Variants in XYLT1 observed in about 807,000 individuals in gnomAD.
XYLT1 encodes xylosyltransferase 1.
XYLT1 carries 36 observed loss-of-function variants against 91.3 expected under a neutral mutation model. The ratio of observed to expected loss-of-function variants is 0.39; its 90% confidence interval spans 0.30 to 0.52. The LOEUF is 0.52. Ranked by LOEUF, XYLT1 falls within the 20% of genes least tolerant of loss-of-function variation. XYLT1 has a pLI of 0.68. For synonymous variants in XYLT1, 588 were observed against 532.0 expected, an observed-to-expected ratio of 1.11 and a Z score of -1.45; for missense variants, 1,242 against 1,284.5, an observed-to-expected ratio of 0.97 and a Z score of 0.51.
intron 5 of XYLT1, among the ~76,000 whole-genome samples, chr16:17,174,158 A>C (rs2031888214): frequency 6.6e-6 from 1 of 152,210 alleles, no homozygotes; most frequent in Non-Finnish European, 1.5e-5. Context: ...AATAAAACAC[A>C]AAAGAAAGAT....
intron 2 of XYLT1, among the ~76,000 whole-genome samples, chr16:17,329,133 CAT>C (rs1239284870): frequency 6.6e-5 from 10 of 152,224 alleles, no homozygotes; most frequent in African/African-American, 2.2e-4. Flanking sequence ...TCAAAACAGA[CAT>C]AGACGAGTAC....
At chr16:17,335,332 G>C (rs2034964127) in intron 2 of XYLT1, among the ~76,000 whole-genome samples, 1 of 152,034 alleles carries the variant, frequency 6.6e-6, no homozygotes, top group South Asian at 2.1e-4. Context: ...ACCGAGATCA[G>C]AAAAATGAAT....
chr16:17,423,439 C>T (rs2036273779), intron 1 of XYLT1, among the ~76,000 whole-genome samples: 1 of 152,118 alleles, frequency 6.6e-6, no homozygotes, highest in African/African-American at 2.4e-5. Flanking sequence ...CTCAAGGGCA[C>T]TTCCTTGAGG....
At chr16:17,194,521 C>A (rs2032386367) in intron 5 of XYLT1, among the ~76,000 whole-genome samples, 1 of 152,206 alleles carries the variant, frequency 6.6e-6, no homozygotes, top group Non-Finnish European at 1.5e-5. Context: ...TTGAGCACAG[C>A]CCCTAAGACT....
chr16:17,426,152 G>A (rs2036315824), intron 1 of XYLT1, among the ~76,000 whole-genome samples: 1 of 152,190 alleles, frequency 6.6e-6, no homozygotes, highest in Non-Finnish European at 1.5e-5. Context: ...AAGAAGAAAG[G>A]ACAGATTCCT....
At chr16:17,384,322 G>A (rs772840220) in intron 1 of XYLT1, among the ~76,000 whole-genome samples, 5 of 151,624 alleles carry the variant, frequency 3.3e-5, no homozygotes, top group Non-Finnish European at 5.9e-5. Context: ...GTCCCACCAA[G>A]TTCTGAGAGA....
At chr16:17,306,990 A>G (rs1483156831) in intron 2 of XYLT1, among the ~76,000 whole-genome samples, 1 of 151,960 alleles carries the variant, frequency 6.6e-6, no homozygotes, top group Admixed American at 6.6e-5. Context: ...AGGTGCACGT[A>G]CTGGCGGTTA....
At chr16:17,280,918 C>A (rs533965141) in intron 2 of XYLT1, among the ~76,000 whole-genome samples, 4 of 152,178 alleles carry the variant, frequency 2.6e-5, no homozygotes, top group African/African-American at 9.7e-5. Flanking sequence ...TTCACCAATT[C>A]TCAGCCTTGC....
At chr16:17,231,370 G>C (rs1381920056) in intron 3 of XYLT1, among the ~76,000 whole-genome samples, 3 of 152,162 alleles carry the variant, frequency 2.0e-5, no homozygotes, top group Admixed American at 6.5e-5. Context: ...CAGGCAGTGG[G>C]GGGCAGTGGG....
intron 8 of XYLT1, 43 bp from the exon 9 acceptor site, chr16:17,134,778 T>G (rs1362118606): frequency 1.2e-6 from 2 of 1,604,438 alleles, no homozygotes; most frequent in African/African-American, 1.3e-5. Flanking sequence ...CATCAGCGAG[T>G]GCTGGGGGTT....
intron 10 of XYLT1, among the ~76,000 whole-genome samples, chr16:17,122,331 A>AT (rs2030092244): frequency 6.6e-6 from 1 of 151,954 alleles, no homozygotes. Flanking sequence ...TTTGATTTGC[A>AT]TTTTCCTGAT....
intron 8 of XYLT1, among the ~76,000 whole-genome samples, chr16:17,136,983 G>T (rs1242253561): frequency 6.6e-6 from 1 of 152,024 alleles, no homozygotes; most frequent in Non-Finnish European, 1.5e-5. Flanking sequence ...CTCCAAACAT[G>T]GGAATTCATT....
rs1323402282 is a variant in XYLT1 at position 17,154,446 on chromosome 16, A to AC, written c.1370+4382dup. Among the ~76,000 whole-genome samples, 9 of 152,320 alleles carry AC rather than the reference A, an allele frequency of 5.9e-5. No individual in the cohort carries two copies. In the East Asian group the frequency reaches 1.7e-3, roughly 29 times the overall value. On this transcript the variant is annotated intron_variant, in intron 6 of 11. Coordinates refer to ENST00000261381, the MANE Select transcript of XYLT1 (RefSeq NM_022166.4). Reference sequence around the variant, plus strand: ...CTCCCTGGAAGAGGCCTGTCCCCACACACTGAGACTTGAACAGGTTTCAGA... The same window carrying AC: ...CTCCCTGGAAGAGGCCTGTCCCCACACCACTGAGACTTGAACAGGTTTCAGA...
chr16:17,209,115 T>C (rs576987520), intron 3 of XYLT1, among the ~76,000 whole-genome samples: 4 of 152,364 alleles, frequency 2.6e-5, no homozygotes, highest in African/African-American at 9.6e-5. Flanking sequence ...CAGAACTCTT[T>C]TCATCTTGCA....
chr16:17,441,932 G>A (rs1243945331), intron 1 of XYLT1, among the ~76,000 whole-genome samples: 1 of 152,100 alleles, frequency 6.6e-6, no homozygotes, highest in East Asian at 1.9e-4. Context: ...AACTTGATGT[G>A]GCCACAGAGT....
intron 1 of XYLT1, among the ~76,000 whole-genome samples, chr16:17,465,143 C>CAA (rs35623153): frequency 0.051 from 1,809 of 35,724 alleles, 416 homozygotes; most frequent in African/African-American, 0.1. Flanking sequence ...GATGCTGTCT[C>CAA]AAAAAAAAAA....
At chr16:17,147,471 G>A (rs775644429) in intron 6 of XYLT1, among the ~76,000 whole-genome samples, 3 of 152,006 alleles carry the variant, frequency 2.0e-5, no homozygotes, top group Non-Finnish European at 4.4e-5. Context: ...GTGATGTCCC[G>A]GACCATAATA....
chr16:17,330,185 G>A (rs905376596), intron 2 of XYLT1, among the ~76,000 whole-genome samples: 2 of 151,374 alleles, frequency 1.3e-5, no homozygotes, highest in East Asian at 3.9e-4. Context: ...CAAAGCACTT[G>A]CTCATTACAA....
chr16:17,120,695 T>C (rs1367569231), intron 10 of XYLT1, among the ~76,000 whole-genome samples: 7 of 152,070 alleles, frequency 4.6e-5, no homozygotes, highest in Non-Finnish European at 1.0e-4. Flanking sequence ...GGTCTCTCTC[T>C]CTCCAGATCT....
Sources: allele counts gnomAD v4.1 joint callset (sites outside exome capture counted in the v4.1 genomes callset), GRCh38; gene constraint gnomAD v4.1.1; transcripts MANE v1.5; gene names NCBI Gene and HGNC (gene_info 2026-07-23, HGNC 2026-07-21).